EPHA5: variants seen among roughly 807,000 people sequenced by gnomAD.
EPHA5 encodes the protein ephrin type-A receptor 5.
EPHA5 carries 60 observed loss-of-function variants against 105.0 expected under a neutral mutation model. That is an observed-to-expected ratio of 0.57 (90% CI 0.46 to 0.71). The LOEUF (loss-of-function observed/expected upper bound fraction) is 0.71, where lower values mean the gene tolerates loss of function less well. EPHA5 is among the 30% of genes least tolerant of loss of function. The probability of loss-of-function intolerance (pLI) is 0.00; values close to 1 mark genes in which losing one functional copy is unlikely to be tolerated. For synonymous variants in EPHA5, 513 were observed against 449.1 expected (o/e 1.14, Z -1.80); for missense variants, 1,218 against 1,274.7 (o/e 0.96, Z 0.68).
chr4:65,551,162 T>C (rs1295760090), intron 3 of EPHA5, among the ~76,000 whole-genome samples: 1 of 113,262 alleles, frequency 8.8e-6, no homozygotes, highest in Non-Finnish European at 1.9e-5. Context: ...TCATTTATTA[T>C]CCAAACATAA....
chr4:65,583,755 A>C (rs1251478951), intron 3 of EPHA5, among the ~76,000 whole-genome samples: 2 of 151,730 alleles, frequency 1.3e-5, no homozygotes, highest in Admixed American at 6.6e-5. Flanking sequence ...TTAAAAAAGA[A>C]ACATATCTTT....
chr4:65,532,164 T>A (rs1417026423), intron 3 of EPHA5, among the ~76,000 whole-genome samples: 1 of 152,092 alleles, frequency 6.6e-6, no homozygotes, highest in African/African-American at 2.4e-5. Flanking sequence ...AAATCCTGCA[T>A]AAATTAAATC....
chr4:65,447,587 T>C (rs966381614), intron 5 of EPHA5, among the ~76,000 whole-genome samples: 1 of 151,854 alleles, frequency 6.6e-6, no homozygotes, highest in African/African-American at 2.4e-5. Context: ...GACCTCTAAA[T>C]CTTACTACTA....
At chr4:65,384,789 C>A (rs945368008) in intron 8 of EPHA5, among the ~76,000 whole-genome samples, 1 of 151,906 alleles carries the variant, frequency 6.6e-6, no homozygotes, top group African/African-American at 2.4e-5. Context: ...CAACGACCAT[C>A]TTATTTCTGT....
chr4:65,537,810 G>A (rs1004385192), intron 3 of EPHA5, among the ~76,000 whole-genome samples: 1 of 151,440 alleles, frequency 6.6e-6, no homozygotes, highest in African/African-American at 2.4e-5. Context: ...ATGTCTTAAG[G>A]AACAGAGAGA....
At chr4:65,417,581 T>G (rs1043219300) in intron 6 of EPHA5, among the ~76,000 whole-genome samples, 5 of 152,166 alleles carry the variant, frequency 3.3e-5, no homozygotes, top group African/African-American at 1.2e-4. Context: ...AACTTATTAT[T>G]AATTTATTGG....
intron 15 of EPHA5, 34 bp from the exon 16 acceptor site, chr4:65,332,162 C>G (rs1319956441): frequency 2.0e-6 from 3 of 1,487,606 alleles, no homozygotes; most frequent in East Asian, 2.6e-5. Context: ...TTAAAAGTTA[C>G]AATTTAATTC....
At chr4:65,567,550 C>A (rs893371035) in intron 3 of EPHA5, among the ~76,000 whole-genome samples, 2 of 151,438 alleles carry the variant, frequency 1.3e-5, no homozygotes, top group Middle Eastern at 3.4e-3. Context: ...TTGGTGATAG[C>A]CAAACTGTCA....
intron 3 of EPHA5, among the ~76,000 whole-genome samples, chr4:65,497,879 A>G (rs1732099607): frequency 6.6e-6 from 1 of 151,966 alleles, no homozygotes; most frequent in Admixed American, 6.6e-5. Flanking sequence ...CAGTAACTCT[A>G]CTTGAACTGG....
intron 8 of EPHA5, among the ~76,000 whole-genome samples, chr4:65,369,206 G>A (rs923103427): frequency 6.6e-6 from 1 of 152,136 alleles, no homozygotes; most frequent in Non-Finnish European, 1.5e-5. Flanking sequence ...AAGATGTTTT[G>A]ATTATGTCTA....
chr4:65,509,787 A>T (rs1012750307), intron 3 of EPHA5, among the ~76,000 whole-genome samples: 1 of 152,128 alleles, frequency 6.6e-6, no homozygotes. Flanking sequence ...ACTGATTCAG[A>T]TCATTTCATT....
chr4:65,481,065 T>C (rs1326725535), intron 5 of EPHA5, among the ~76,000 whole-genome samples: 1 of 152,108 alleles, frequency 6.6e-6, no homozygotes, highest in African/African-American at 2.4e-5. Context: ...CCTCAAATCA[T>C]ATTGAAGATT....
chr4:65,445,140 A>G (rs938299838), intron 5 of EPHA5, among the ~76,000 whole-genome samples: 9 of 152,108 alleles, frequency 5.9e-5, no homozygotes, highest in Non-Finnish European at 1.3e-4. Context: ...TTTATAGGAT[A>G]TCCATAAACT....
chr4:65,321,647 G>A lies in EPHA5; in HGVS notation c.*2467C>T, dbSNP rs918315205. On this transcript the variant is annotated 3_prime_UTR_variant, in exon 17 of 17. Coordinates refer to ENST00000613740, the MANE Select transcript of EPHA5 (RefSeq NM_001281766.3). Reference sequence around the variant, plus strand: ...ACTTTCCAAAATGATCACCAAGATTGCAAAGAAGGCAAATAAATTTGATCC... The same window carrying A: ...ACTTTCCAAAATGATCACCAAGATTACAAAGAAGGCAAATAAATTTGATCC... 2.6e-5 allele frequency: 6 copies of A among 228,818 alleles called. No individual in the cohort carries two copies. Among genetic ancestry groups the A allele is most frequent in the Non-Finnish European group, 5.2e-5 (6 of 115,266 alleles). 14.2% of individuals were successfully genotyped at this position (228,818 alleles called of 1,614,324 possible). A position where few individuals can be genotyped will look rare whatever the true frequency, so the allele number is the denominator to read the frequency against.
At position 65,365,164 on chromosome 4, in the gene EPHA5, GTAGT is replaced by G; in HGVS notation, c.2022_2025del (p.Lys674AsnfsTer16). The G allele has an allele frequency of 6.2e-7, 1 of 1,610,916 alleles. No individual in the cohort carries two copies. The highest frequency in any genetic ancestry group is 8.5e-7 in the Non-Finnish European group (1 of 1,178,032). On this transcript the variant is annotated frameshift_variant, in exon 11 of 17. Coordinates refer to ENST00000613740, the MANE Select transcript of EPHA5 (RefSeq NM_001281766.3). LOFTEE classifies it high-confidence loss of function. ...GCCACAGGTAATTCTCTTTTTCCTG[GTAGT>G]TTCAAACGTCCACTACAAACTTCAC... is the stretch of plus-strand genomic sequence containing the variant.
chr4:65,499,334 T>TA, intron 3 of EPHA5, among the ~76,000 whole-genome samples: 1 of 151,806 alleles, frequency 6.6e-6, no homozygotes, highest in South Asian at 2.1e-4. Context: ...AGCTTCCAAG[T>TA]AGCTACAATT....
At chr4:65,475,425 C>T (rs1316220827) in intron 5 of EPHA5, among the ~76,000 whole-genome samples, 1 of 152,110 alleles carries the variant, frequency 6.6e-6, no homozygotes, top group Non-Finnish European at 1.5e-5. Flanking sequence ...TAATAAAGGA[C>T]TCATGCATAT....
At chr4:65,449,887 C>T (rs1015759420) in intron 5 of EPHA5, among the ~76,000 whole-genome samples, 32 of 151,990 alleles carry the variant, frequency 2.1e-4, no homozygotes, top group African/African-American at 7.5e-4. Context: ...AACAGGTCCT[C>T]CTTTAGTACT....
At chr4:65,488,195 G>C (rs904683863) in intron 5 of EPHA5, among the ~76,000 whole-genome samples, 21 of 152,250 alleles carry the variant, frequency 1.4e-4, no homozygotes, top group African/African-American at 4.8e-4. Context: ...TTGGGAGGCT[G>C]AAGGGGCCAG....
Sources: gnomAD v4.1 joint callset for allele counts (sites outside exome capture counted in the v4.1 genomes callset) on GRCh38, gnomAD v4.1.1 for gene constraint, MANE v1.5 for transcripts, NCBI Gene and HGNC (gene_info 2026-07-23, HGNC 2026-07-21) for gene names.